The following CAMTA1 variants were observed in gnomAD, a reference collection of about 807,000 sequenced individuals.
The protein encoded by CAMTA1 is calmodulin-binding transcription activator 1.
In CAMTA1, 27 loss-of-function variants were observed where a neutral mutation model predicts 170.9. The observed-to-expected ratio is 0.16, with a 90% confidence interval of 0.12 to 0.22. The LOEUF is 0.22. Ranked by LOEUF, CAMTA1 falls within the 10% of genes least tolerant of loss-of-function variation. CAMTA1 has a pLI of 1.00. For missense variants in CAMTA1, 1,619 were observed against 2,217.2 expected (o/e 0.73, Z 5.42); for synonymous variants, 833 against 891.5 (o/e 0.93, Z 1.17).
At chr1:6,976,453 G>T (rs772877794) in intron 3 of CAMTA1, among the ~76,000 whole-genome samples, 1 of 152,228 alleles carries the variant, frequency 6.6e-6, no homozygotes, top group Non-Finnish European at 1.5e-5. Context: ...ACAGAGTTCA[G>T]TTGGCTGCTG....
At chr1:7,766,064 A>C (rs1263681417) in intron 22 of CAMTA1, among the ~76,000 whole-genome samples, 1 of 151,794 alleles carries the variant, frequency 6.6e-6, no homozygotes, top group East Asian at 1.9e-4. Context: ...ATGCATGTAC[A>C]GTTTCCCTAA....
intron 5 of CAMTA1, among the ~76,000 whole-genome samples, chr1:7,294,543 A>G (rs1166900199): frequency 1.3e-5 from 2 of 152,192 alleles, no homozygotes; most frequent in South Asian, 2.1e-4. Context: ...CTGCAGAGAA[A>G]GGGCTGCTTC....
At chr1:6,848,713 G>A (rs1484689622) in intron 3 of CAMTA1, among the ~76,000 whole-genome samples, 1 of 152,174 alleles carries the variant, frequency 6.6e-6, no homozygotes, top group Non-Finnish European at 1.5e-5. Flanking sequence ...GTACTTGAGG[G>A]CCTTTGAATT....
rs940203047 is a variant in CAMTA1, at chr1:7,685,004, G to A, written c.2914+7271G>A. Among the ~76,000 whole-genome samples, 4 of 152,146 alleles carry A rather than the reference G, an allele frequency of 2.6e-5. No homozygotes were observed. The highest frequency in any genetic ancestry group is 1.3e-4 in the Admixed American group (2 of 15,272). ...TAGGCTCCGGGGACTCCGCGGTGTC[G>A]GGGAGTTCACAGGCACCGTCCCGCG... On this transcript the variant is annotated intron_variant, in intron 11 of 22. Transcript: ENST00000303635. This position sits in a 1 kb window ranked among gnomAD's most constrained non-coding sequence, Gnocchi z 5.7.
chr1:7,203,001 CTGTGGGACTTTTGTAGG>C (rs1379933208), intron 4 of CAMTA1, among the ~76,000 whole-genome samples: 1 of 152,118 alleles, frequency 6.6e-6, no homozygotes, highest in African/African-American at 2.4e-5. Context: ...ATATTGTTAG[CTGTGGGACTTTTGTAGG>C]TGTCCTTTAT....
chr1:6,974,042 C>T (rs1692986933), intron 3 of CAMTA1, among the ~76,000 whole-genome samples: 1 of 152,212 alleles, frequency 6.6e-6, no homozygotes, highest in African/African-American at 2.4e-5. Flanking sequence ...CATTATTTAA[C>T]GTTTGGCCCA....
At chr1:7,724,818 CAAA>C (rs960235639) in intron 11 of CAMTA1, among the ~76,000 whole-genome samples, 2 of 85,326 alleles carry the variant, frequency 2.3e-5, no homozygotes. Context: ...GCGAGACTCT[CAAA>C]AAAAAAAAAA....
intron 6 of CAMTA1, among the ~76,000 whole-genome samples, chr1:7,508,909 A>G (rs759500650): frequency 2.0e-5 from 3 of 152,174 alleles, no homozygotes; most frequent in Non-Finnish European, 4.4e-5. Flanking sequence ...CACTCAGCTA[A>G]TGAGGAAGAA....
At chr1:7,235,276 A>T (rs1365696822) in intron 4 of CAMTA1, among the ~76,000 whole-genome samples, 1 of 152,050 alleles carries the variant, frequency 6.6e-6, no homozygotes, top group East Asian at 1.9e-4. Context: ...ATTCGATGAG[A>T]CTGACTGCAT....
chr1:7,503,602 C>T (rs559984476), intron 6 of CAMTA1, among the ~76,000 whole-genome samples: 1 of 152,208 alleles, frequency 6.6e-6, no homozygotes, highest in Admixed American at 6.5e-5. Flanking sequence ...CTTAGCCAGG[C>T]CTGACAGTGG....
chr1:7,399,439 A>G (rs549981105), intron 5 of CAMTA1, among the ~76,000 whole-genome samples: 1 of 152,344 alleles, frequency 6.6e-6, no homozygotes, highest in African/African-American at 2.4e-5. Context: ...TAAGCTACCC[A>G]GCCTCAGGTA....
intron 6 of CAMTA1, among the ~76,000 whole-genome samples, chr1:7,543,362 T>A (rs777482565): frequency 6.6e-6 from 1 of 152,208 alleles, no homozygotes; most frequent in Non-Finnish European, 1.5e-5. Context: ...CTTTTCCCAT[T>A]TGCACTGAGA....
At position 7,542,450 on chromosome 1, in the gene CAMTA1, T is replaced by G. The variant is rs12082835; in HGVS notation, c.510+74549T>G. Among the ~76,000 whole-genome samples, 845 of 152,346 alleles carry G rather than the reference T, an allele frequency of 5.5e-3. 2 individuals carry two copies. Among genetic ancestry groups the G allele is most frequent in the African/African-American group, 0.018 (743 of 41,574 alleles). On this transcript the variant is annotated intron_variant, in intron 6 of 22. Transcript: ENST00000303635. ...TTTTGTTTTTTTTGTTTGTTTGTTTTTTTGAGACAGAGTCTCACTTTGTTG... is the reference window on the plus strand; with the variant it reads ...TTTTGTTTTTTTTGTTTGTTTGTTTGTTTGAGACAGAGTCTCACTTTGTTG...
At chr1:7,332,949 C>T (rs2083125631) in intron 5 of CAMTA1, among the ~76,000 whole-genome samples, 1 of 152,196 alleles carries the variant, frequency 6.6e-6, no homozygotes, top group African/African-American at 2.4e-5. Context: ...TCACAGTGGA[C>T]TCATGGCCAC....
intron 3 of CAMTA1, among the ~76,000 whole-genome samples, chr1:6,829,605 A>G (rs1006662995): frequency 2.0e-5 from 3 of 152,236 alleles, no homozygotes; most frequent in African/African-American, 7.2e-5. Context: ...GAATCATCAC[A>G]TTTAATCTTT....
At chr1:7,102,173 C>G (rs1246831611) in intron 4 of CAMTA1, among the ~76,000 whole-genome samples, 5 of 152,130 alleles carry the variant, frequency 3.3e-5, no homozygotes, top group Non-Finnish European at 7.4e-5. Flanking sequence ...AGGAAATTTT[C>G]TCCTCGAAGA....
In CAMTA1 at chr1:7,685,115, C is replaced by T. The variant is rs1296205733; in HGVS notation, c.2914+7382C>T. 1.3e-5 allele frequency among the ~76,000 whole-genome samples: 2 copies of T among 152,076 alleles called. No homozygotes were observed. The highest frequency in any genetic ancestry group is 2.4e-5 in the African/African-American group (1 of 41,396). ...TTTTGAGGAGTTCGCAGGCACCGTC[C>T]TGCGGTCACAGGTGGTGTGTTTTGA... On this transcript the variant is annotated intron_variant, in intron 11 of 22. Coordinates refer to ENST00000303635, the MANE Select transcript of CAMTA1 (RefSeq NM_015215.4). The surrounding 1 kb of genome is among the most constrained non-coding windows in gnomAD (Gnocchi z 5.7).
intron 3 of CAMTA1, among the ~76,000 whole-genome samples, chr1:6,964,897 C>T (rs773221870): frequency 1.3e-5 from 2 of 152,198 alleles, no homozygotes; most frequent in African/African-American, 2.4e-5. Context: ...GACTGTCTTC[C>T]ACCGTGTCTT....
At chr1:7,638,777 G>T (rs2095736566) in intron 6 of CAMTA1, among the ~76,000 whole-genome samples, 1 of 152,150 alleles carries the variant, frequency 6.6e-6, no homozygotes, top group African/African-American at 2.4e-5. Context: ...GTATTGTCGT[G>T]GCCAGATAAG....
Sources: allele counts gnomAD v4.1 joint callset (sites outside exome capture counted in the v4.1 genomes callset), GRCh38; gene constraint gnomAD v4.1.1; non-coding constraint Gnocchi (gnomAD v3.1); transcripts MANE v1.5; gene names NCBI Gene and HGNC (gene_info 2026-07-23, HGNC 2026-07-21).